The following MALRD1 variants were observed in gnomAD, a reference collection of about 807,000 sequenced individuals.
MALRD1 encodes MAM and LDL receptor class A domain containing 1.
Under a neutral mutation model 242.1 loss-of-function variants are expected in MALRD1, and 247 were observed. The ratio of observed to expected loss-of-function variants is 1.02; its 90% confidence interval spans 0.92 to 1.13. The LOEUF is 1.13. Among genes scored for constraint, MALRD1 ranks in the 50% most tolerant of loss-of-function variants. The pLI, the probability that MALRD1 is intolerant of heterozygous loss-of-function variation, is 0.00. For missense variants in MALRD1, 2,989 were observed against 2,533.1 expected (o/e 1.18, Z -3.86); for synonymous variants, 995 against 866.6 (o/e 1.15, Z -2.60).
intron 22 of MALRD1, among the ~76,000 whole-genome samples, chr10:19,325,006 C>CTATTTTTTT (rs1843058921): frequency 1.3e-5 from 1 of 77,948 alleles, no homozygotes; most frequent in African/African-American, 5.2e-5. Context: ...TCAGTAGTTG[C>CTATTTTTTT]TTTTTTTTTT....
rs551418723 is a variant in MALRD1, at chr10:19,057,209, C to T, written c.199+8072C>T. On this transcript the variant is annotated intron_variant, in intron 1 of 39. Coordinates refer to ENST00000454679, the MANE Select transcript of MALRD1 (RefSeq NM_001142308.3). ...ATAAAATGACTTTTTACCTATTCAG[C>T]CACTCTTTGTCTTTTGATGAATTCA... is the stretch of plus-strand genomic sequence containing the variant. 9.9e-5 allele frequency among the ~76,000 whole-genome samples: 15 copies of T among 152,260 alleles called. No homozygotes were observed. The South Asian group carries it at 3.1e-3, about 32-fold the overall frequency.
chr10:19,530,458 TAATAATAAATA>T (rs1834354568), intron 31 of MALRD1, among the ~76,000 whole-genome samples: 1 of 52,450 alleles, frequency 1.9e-5, no homozygotes, highest in African/African-American at 3.7e-5. Context: ...ATATAATATA[TAATAATAAATA>T]ATTATATAAT....
chr10:19,185,892 G>A (rs1004332933), intron 14 of MALRD1, among the ~76,000 whole-genome samples: 1 of 151,160 alleles, frequency 6.6e-6, no homozygotes, highest in African/African-American at 2.4e-5. Flanking sequence ...TCTGAAAAAT[G>A]TTTCTGAGTA....
At chr10:19,662,002 A>G (rs1841462985) in intron 36 of MALRD1, among the ~76,000 whole-genome samples, 1 of 152,128 alleles carries the variant, frequency 6.6e-6, no homozygotes, top group African/African-American at 2.4e-5. Flanking sequence ...CAATATATAA[A>G]TGGATTCAAT....
At chr10:19,664,551 GTTTA>G (rs566860760) in intron 36 of MALRD1, among the ~76,000 whole-genome samples, 143 of 151,872 alleles carry the variant, frequency 9.4e-4, no homozygotes, top group African/African-American at 3.4e-3. Context: ...AAGCAAGCTT[GTTTA>G]TTAAGTTAAA....
At chr10:19,435,410 A>G (rs1209223552) in intron 28 of MALRD1, among the ~76,000 whole-genome samples, 1 of 152,090 alleles carries the variant, frequency 6.6e-6, no homozygotes, top group Non-Finnish European at 1.5e-5. Context: ...GTTTTAGACT[A>G]ATGTCATTTT....
intron 36 of MALRD1, among the ~76,000 whole-genome samples, chr10:19,635,225 CA>C (rs1188759484): frequency 2.0e-5 from 3 of 151,884 alleles, no homozygotes; most frequent in South Asian, 2.1e-4. Flanking sequence ...AAGAGAAGCC[CA>C]AAAATAAAAC....
intron 21 of MALRD1, among the ~76,000 whole-genome samples, chr10:19,288,255 C>A (rs961788861): frequency 2.6e-5 from 4 of 151,996 alleles, no homozygotes; most frequent in Admixed American, 1.3e-4. Flanking sequence ...ATAATCACAT[C>A]ATGGAGAGCA....
intron 13 of MALRD1, among the ~76,000 whole-genome samples, chr10:19,172,038 TGATATATATCATATATCACATATATGTG>T (rs1835022290): frequency 5.4e-5 from 2 of 36,786 alleles, no homozygotes; most frequent in African/African-American, 1.4e-4. Flanking sequence ...CACATATATG[TGATATATATCATATATCACATATATGTG>T]ATATATATCA....
At chr10:19,139,488 G>A (rs1029085923) in intron 10 of MALRD1, among the ~76,000 whole-genome samples, 3 of 152,066 alleles carry the variant, frequency 2.0e-5, no homozygotes, top group East Asian at 1.9e-4. Flanking sequence ...GCTTGTGCAG[G>A]CAGTTTGAAT....
At chr10:19,113,865 A>T (rs1016073291) in intron 5 of MALRD1, among the ~76,000 whole-genome samples, 5 of 151,480 alleles carry the variant, frequency 3.3e-5, no homozygotes, top group African/African-American at 9.7e-5. Flanking sequence ...GTATTGATTT[A>T]TCTCCATGAC....
chr10:19,681,244 G>A (rs2131793497), intron 36 of MALRD1, among the ~76,000 whole-genome samples: 1 of 152,264 alleles, frequency 6.6e-6, no homozygotes, highest in East Asian at 1.9e-4. Flanking sequence ...ATATCGTGAA[G>A]TATGTTTTCC....
chr10:19,652,321 CATGTTCTGAGAAGAA>C (rs1840937226), intron 36 of MALRD1, among the ~76,000 whole-genome samples: 1 of 152,194 alleles, frequency 6.6e-6, no homozygotes, highest in South Asian at 2.1e-4. Flanking sequence ...CAAGCAATTA[CATGTTCTGAGAAGAA>C]AGAGCCAAAT....
chr10:19,135,465 T>C (rs1420297059), intron 9 of MALRD1, among the ~76,000 whole-genome samples: 1 of 152,186 alleles, frequency 6.6e-6, no homozygotes, highest in Admixed American at 6.5e-5. Context: ...ATCCCTCATG[T>C]TTTGAAAAGA....
intron 21 of MALRD1, 59 bp downstream of exon 21, chr10:19,283,240 A>T (rs965430376): frequency 7.5e-6 from 10 of 1,328,492 alleles, no homozygotes; most frequent in Non-Finnish European, 8.8e-6. Flanking sequence ...GCATCTCCCA[A>T]ATTTCTGCCC....
chr10:19,581,561 A>G (rs1335581655), intron 33 of MALRD1, among the ~76,000 whole-genome samples: 2 of 149,482 alleles, frequency 1.3e-5, no homozygotes, highest in African/African-American at 4.9e-5. Context: ...ATCATTTTTT[A>G]TGGCTGCATA....
chr10:19,302,758 A>G (rs1292527868), intron 21 of MALRD1, among the ~76,000 whole-genome samples: 1 of 151,766 alleles, frequency 6.6e-6, no homozygotes, highest in African/African-American at 2.4e-5. Context: ...ACTTTATGGT[A>G]TGTGAATTAC....
At chr10:19,547,375 T>C (rs528270793) in intron 32 of MALRD1, among the ~76,000 whole-genome samples, 1 of 152,076 alleles carries the variant, frequency 6.6e-6, no homozygotes. Context: ...AGGAAACCTA[T>C]GTCCAACACC....
At chr10:19,247,804 T>G (rs1429560346) in intron 18 of MALRD1, among the ~76,000 whole-genome samples, 1 of 152,066 alleles carries the variant, frequency 6.6e-6, no homozygotes, top group Non-Finnish European at 1.5e-5. Flanking sequence ...AACAAAATGT[T>G]ATTAACAGCA....
Sources: gnomAD v4.1 joint callset for allele counts (sites outside exome capture counted in the v4.1 genomes callset) on GRCh38, gnomAD v4.1.1 for gene constraint, MANE v1.5 for transcripts, NCBI Gene and HGNC (gene_info 2026-07-23, HGNC 2026-07-21) for gene names.